Variants in PTPN4 observed in about 807,000 individuals in gnomAD.
PTPN4 encodes protein tyrosine phosphatase non-receptor type 4.
PTPN4 carries 49 observed loss-of-function variants against 135.5 expected under a neutral mutation model. That is an observed-to-expected ratio of 0.36 (90% confidence interval 0.29 to 0.46). The LOEUF (loss-of-function observed/expected upper bound fraction) is 0.46, where lower values mean the gene tolerates loss of function less well. Among genes scored for constraint, PTPN4 ranks in the 20% least tolerant of loss-of-function variants. The probability of loss-of-function intolerance (pLI) is 1.00; values close to 1 mark genes in which losing one functional copy is unlikely to be tolerated. For missense variants in PTPN4, 860 were observed against 1,101.0 expected (o/e 0.78, Z 3.10); for synonymous variants, 333 against 369.9 (o/e 0.90, Z 1.14).
At chr2:119,874,862 T>A (rs76690132) in intron 3 of PTPN4, among the ~76,000 whole-genome samples, 2 of 152,202 alleles carry the variant, frequency 1.3e-5, no homozygotes, top group Admixed American at 1.3e-4. Context: ...TTATCCTCCA[T>A]TGAGATGGTA....
chr2:119,977,173 G>T lies in PTPN4; in HGVS notation c.*103G>T, dbSNP rs1385764982. 20 of 1,294,012 alleles carry T rather than the reference G, an allele frequency of 1.5e-5. No homozygotes were observed. Among genetic ancestry groups the T allele is most frequent in the Non-Finnish European group, 1.8e-5 (18 of 985,626 alleles). The allele number at this position is 1,294,012 out of a possible 1,614,324, so 80.2% of individuals were successfully genotyped here. ...AAATGGCATTTTACAAAAAAAAAATGAAGAACTCAAAAAAACTTTGAAAAC... is the reference window on the plus strand; with the variant it reads ...AAATGGCATTTTACAAAAAAAAAATTAAGAACTCAAAAAAACTTTGAAAAC... On this transcript the variant is annotated 3_prime_UTR_variant, in exon 27 of 27. Coordinates refer to ENST00000263708, the MANE Select transcript of PTPN4 (RefSeq NM_002830.4).
In PTPN4 at chr2:119,869,307, T is replaced by C. The variant is rs1574379126; in HGVS notation, c.246+6664T>C. 2.6e-5 allele frequency among the ~76,000 whole-genome samples: 4 copies of C among 152,338 alleles called. No homozygotes were observed. In the South Asian group the frequency reaches 8.3e-4, roughly 32 times the overall value. ...GAAATATCTTGATTGTGGATGGTGG[T>C]GGTTACCTGGCTGTACACATTTGTC... On this transcript the variant is annotated intron_variant, in intron 3 of 26. Coordinates refer to ENST00000263708, the MANE Select transcript of PTPN4 (RefSeq NM_002830.4).
chr2:119,935,141 C>G, intron 15 of PTPN4, 183 bp downstream of exon 15: 1 of 629,568 alleles, frequency 1.6e-6, no homozygotes, highest in Non-Finnish European at 2.7e-6. Context: ...CCTCCCCGAC[C>G]CAGTCACTAT....
intron 13 of PTPN4, 149 bp from the exon 14 acceptor site, chr2:119,932,275 A>G (rs748781804): frequency 4.4e-5 from 30 of 684,002 alleles, no homozygotes; most frequent in Non-Finnish European, 5.9e-5. Flanking sequence ...TATTTGGTAA[A>G]TAGCCTCTAA....
intron 1 of PTPN4, among the ~76,000 whole-genome samples, chr2:119,780,239 T>C (rs7568197): frequency 0.025 from 3,847 of 152,334 alleles, 164 homozygotes; most frequent in African/African-American, 0.087. Flanking sequence ...ATTGCAGATA[T>C]CATGATCATA....
chr2:119,787,578 GTACT>G (rs781765743), intron 1 of PTPN4, among the ~76,000 whole-genome samples: 3 of 152,132 alleles, frequency 2.0e-5, no homozygotes, highest in Non-Finnish European at 4.4e-5. Context: ...TAAGTCGTCA[GTACT>G]TACTGTAGTA....
chr2:119,911,189 CT>C (rs34026667), intron 10 of PTPN4, among the ~76,000 whole-genome samples: 52,285 of 151,754 alleles, frequency 0.34, 9,543 homozygotes, highest in African/African-American at 0.47. Context: ...TAAAACCAGA[CT>C]TAAGACCTTA....
intron 9 of PTPN4, among the ~76,000 whole-genome samples, chr2:119,897,335 CAAG>C (rs950456217): frequency 1.3e-5 from 2 of 152,070 alleles, no homozygotes; most frequent in African/African-American, 2.4e-5. Context: ...GCCATTTCTC[CAAG>C]AAGCCCTTTT....
intron 2 of PTPN4, among the ~76,000 whole-genome samples, chr2:119,858,865 A>C (rs940309721): frequency 2.0e-5 from 3 of 151,958 alleles, no homozygotes; most frequent in African/African-American, 7.3e-5. Context: ...TGATCTCCTG[A>C]CCTCGTAATC....
chr2:119,888,230 A>G (rs1678187630), intron 9 of PTPN4, among the ~76,000 whole-genome samples: 2 of 152,098 alleles, frequency 1.3e-5, no homozygotes, highest in Admixed American at 6.5e-5. Context: ...TATTTATGAA[A>G]TCTAAGCATT....
chr2:119,963,703 G>A (rs546480719), intron 24 of PTPN4, among the ~76,000 whole-genome samples: 4 of 152,172 alleles, frequency 2.6e-5, no homozygotes, highest in Non-Finnish European at 5.9e-5. Flanking sequence ...AATTTTATGG[G>A]CTAGAGTCCA....
chr2:119,889,597 T>G (rs1044701146), intron 9 of PTPN4, among the ~76,000 whole-genome samples: 16 of 152,236 alleles, frequency 1.1e-4, no homozygotes, highest in South Asian at 2.1e-4. Flanking sequence ...ATCCATCATT[T>G]TTTTTATGAT....
chr2:119,911,200 A>G (rs1678566396), intron 10 of PTPN4, among the ~76,000 whole-genome samples: 1 of 152,110 alleles, frequency 6.6e-6, no homozygotes, highest in African/African-American at 2.4e-5. Flanking sequence ...TTAAGACCTT[A>G]CAAGGAAAGA....
chr2:119,955,896 C>T (rs1203622420), intron 20 of PTPN4, among the ~76,000 whole-genome samples: 1 of 151,764 alleles, frequency 6.6e-6, no homozygotes, highest in Non-Finnish European at 1.5e-5. Flanking sequence ...GAGATCGCGC[C>T]ACTGCACTCC....
At chr2:119,770,956 T>G (rs890113867) in intron 1 of PTPN4, among the ~76,000 whole-genome samples, 2 of 151,598 alleles carry the variant, frequency 1.3e-5, no homozygotes, top group African/African-American at 4.8e-5. Flanking sequence ...CTCTGCTCAC[T>G]GCAACCGCTG....
chr2:119,762,616 T>C (rs777168502), intron 1 of PTPN4, among the ~76,000 whole-genome samples: 1 of 152,130 alleles, frequency 6.6e-6, no homozygotes, highest in African/African-American at 2.4e-5. Flanking sequence ...AGAGTTAATA[T>C]GGCCACTTTT....
At chr2:119,904,794 G>A (rs1678460892) in intron 10 of PTPN4, among the ~76,000 whole-genome samples, 1 of 152,070 alleles carries the variant, frequency 6.6e-6, no homozygotes, top group African/African-American at 2.4e-5. Flanking sequence ...CATCACCCAA[G>A]CAAATCTACC....
At chr2:119,884,145 G>A (rs756302586) in intron 8 of PTPN4, among the ~76,000 whole-genome samples, 6 of 152,228 alleles carry the variant, frequency 3.9e-5, no homozygotes, top group South Asian at 2.1e-4. Flanking sequence ...TGATCCGCCT[G>A]CCTTGGCCTC....
chr2:119,798,456 C>A (rs537773161), intron 1 of PTPN4, among the ~76,000 whole-genome samples: 64 of 152,312 alleles, frequency 4.2e-4, no homozygotes, highest in Non-Finnish European at 2.2e-4. Flanking sequence ...CATGAGCCAC[C>A]ATGCGCGGCC....
Sources: gnomAD v4.1 joint callset for allele counts (sites outside exome capture counted in the v4.1 genomes callset) on GRCh38, gnomAD v4.1.1 for gene constraint, MANE v1.5 for transcripts, NCBI Gene and HGNC (gene_info 2026-07-23, HGNC 2026-07-21) for gene names.